The following C4orf51 variants were observed in gnomAD, a reference collection of about 807,000 sequenced individuals.
The protein encoded by C4orf51 is chromosome 4 open reading frame 51, also known as uncharacterized protein C4orf51.
In C4orf51, 25 loss-of-function variants were observed where a neutral mutation model predicts 25.2. The observed-to-expected ratio is 0.99, with a 90% CI of 0.72 to 1.39. C4orf51 has a LOEUF of 1.39. Among genes scored for constraint, C4orf51 ranks in the 40% most tolerant of loss-of-function variants. C4orf51 has a pLI of 0.00. For missense variants in C4orf51, 252 were observed against 239.6 expected (o/e 1.05, Z -0.34); for synonymous variants, 100 against 84.5 (o/e 1.18, Z -1.01).
At position 145,765,521 on chromosome 4, in the gene C4orf51, C is replaced by A; in HGVS notation, n.167-5467C>A. 1 of 1,588,886 alleles carries A rather than the reference C, an allele frequency of 6.3e-7. No individual in the cohort carries two copies. Among genetic ancestry groups the A allele is most frequent in the South Asian group, 1.2e-5 (1 of 86,138 alleles). On this transcript the variant is annotated intron_variant and non_coding_transcript_variant, in intron 1 of 1. Transcript: ENST00000510096. This position sits in a 1 kb window ranked among gnomAD's most constrained non-coding sequence, Gnocchi z 4.7. ...GTCATCCTGGGTGCGGAGGGTTGAG[C>A]AGGCTCACACCCACCTCCTCCTTAC...
chr4:145,787,419 G>A, the C4orf51 span, among the ~76,000 whole-genome samples: 2 of 144,860 alleles, frequency 1.4e-5, no homozygotes, highest in African/African-American at 5.1e-5. Flanking sequence ...CTGAGACCAC[G>A]CCATTGCACT....
At chr4:145,723,282 A>G (rs1199292855) in intron 2 of C4orf51, among the ~76,000 whole-genome samples, 1 of 152,202 alleles carries the variant, frequency 6.6e-6, no homozygotes, top group Non-Finnish European at 1.5e-5. Flanking sequence ...CTTTGTGTAC[A>G]TACAACTTAA....
intron 2 of C4orf51, among the ~76,000 whole-genome samples, chr4:145,703,115 C>T (rs927533099): frequency 6.6e-6 from 1 of 151,722 alleles, no homozygotes; most frequent in Non-Finnish European, 1.5e-5. Flanking sequence ...ACATATATGC[C>T]CAGATGGCCT....
Position 145,680,584 on chromosome 4 carries a change from C to CT in C4orf51, c.233+149dup, listed in dbSNP as rs1728775539. 14 of 630,302 alleles carry CT rather than the reference C, an allele frequency of 2.2e-5. No homozygotes were observed. In the South Asian group the frequency reaches 2.6e-4, roughly 12 times the overall value. The allele number at this position is 630,302 out of a possible 1,614,324, so 39.0% of individuals were successfully genotyped here. ...TTGTAAATGTCAGCAGGAAGAAGAG[C>CT]TAAATGTCAGTGACCAGCTGAAATT... On this transcript the variant is annotated intron_variant, in intron 1 of 5. Coordinates refer to ENST00000438731, the MANE Select transcript of C4orf51 (RefSeq NM_001080531.3).
At chr4:145,764,797 C>G (rs1735028175) in intron 1 of C4orf51, 1 of 694,102 alleles carries the variant, frequency 1.4e-6, no homozygotes, top group East Asian at 2.7e-5. Context: ...CTACTGACAT[C>G]TGTTGACACC....
At chr4:145,733,033 CG>C (rs1732576877), downstream of C4orf51, among the ~76,000 whole-genome samples, 1 of 152,124 alleles carries the variant, frequency 6.6e-6, no homozygotes, top group African/African-American at 2.4e-5. Flanking sequence ...CCGACAGTCG[CG>C]GGGGCGGGGG....
chr4:145,696,509 T>C, intron 1 of C4orf51, 50 bp from the exon 2 acceptor site: 1 of 1,442,110 alleles, frequency 6.9e-7, no homozygotes, highest in South Asian at 1.2e-5. Context: ...CTTCATGTGA[T>C]TTATAAATCC....
chr4:145,729,420 GCCTCCC>G (rs1732310906), intron 4 of C4orf51, among the ~76,000 whole-genome samples, 191 bp downstream of exon 4: 1 of 145,962 alleles, frequency 6.9e-6, no homozygotes, highest in Non-Finnish European at 1.5e-5. Flanking sequence ...TCCTGCCTCA[GCCTCCC>G]GAGTAGCTGG....
intron 1 of C4orf51, among the ~76,000 whole-genome samples, chr4:145,766,948 G>A (rs1027716609): frequency 6.6e-6 from 1 of 152,258 alleles, no homozygotes; most frequent in Admixed American, 6.5e-5. Flanking sequence ...TTTCCAGGTA[G>A]CTATCTGCAT....
intron 2 of C4orf51, among the ~76,000 whole-genome samples, chr4:145,719,885 A>G (rs1303659601): frequency 2.0e-5 from 3 of 152,180 alleles, no homozygotes; most frequent in East Asian, 1.9e-4. Context: ...AGAAGAAAAG[A>G]GGAGAGAGGG....
intron 1 of C4orf51, among the ~76,000 whole-genome samples, chr4:145,766,687 G>A (rs1442343056): frequency 6.6e-6 from 1 of 152,186 alleles, no homozygotes; most frequent in Admixed American, 6.5e-5. Context: ...TCAGAGCACG[G>A]GGGTGAAGAG....
In C4orf51 at chr4:145,740,889, A is replaced by G. The variant is rs141324064; in HGVS notation, n.167+8270A>G. ...ATAAAAAACAGATTATTTCATTTCT[A>G]TCTCATAAAACCCAGTACCTTTCCT... On this transcript the variant is annotated intron_variant and non_coding_transcript_variant, in intron 1 of 1. Transcript: ENST00000508981. 9.8e-5 allele frequency among the ~76,000 whole-genome samples: 15 copies of G among 152,352 alleles called. No individual in the cohort carries two copies. In the East Asian group the frequency reaches 2.7e-3, roughly 27 times the overall value.
chr4:145,719,240 G>A (rs1731585584), intron 2 of C4orf51, among the ~76,000 whole-genome samples: 1 of 151,946 alleles, frequency 6.6e-6, no homozygotes, highest in Non-Finnish European at 1.5e-5. Flanking sequence ...ATAGGGGCAG[G>A]TCTTTGTTTA....
intron 1 of C4orf51, among the ~76,000 whole-genome samples, chr4:145,738,459 CAT>C (rs58754234): frequency 0.67 from 97,642 of 146,542 alleles, 32,642 homozygotes; most frequent in East Asian, 0.89. Context: ...CGAAAAAAAA[CAT>C]ATATATATAT....
intron 1 of C4orf51, among the ~76,000 whole-genome samples, chr4:145,691,429 A>G (rs1729553603): frequency 1.3e-5 from 2 of 152,224 alleles, no homozygotes; most frequent in Admixed American, 1.3e-4. Context: ...TGACCCAGCA[A>G]TCTTATTACT....
At chr4:145,735,282 CA>C (rs747703610), downstream of C4orf51, among the ~76,000 whole-genome samples, 5 of 152,170 alleles carry the variant, frequency 3.3e-5, no homozygotes, top group Non-Finnish European at 7.3e-5. Flanking sequence ...TGCCATTCCT[CA>C]CGCAATCTGG....
At chr4:145,789,324 CATAA>C in the C4orf51 span, among the ~76,000 whole-genome samples, 14 of 152,180 alleles carry the variant, frequency 9.2e-5, no homozygotes, top group South Asian at 2.5e-3. Flanking sequence ...ACTTAAAGTG[CATAA>C]ATAGTTTCAT....
the C4orf51 span, among the ~76,000 whole-genome samples, chr4:145,784,517 T>C: frequency 1.3e-5 from 2 of 152,144 alleles, no homozygotes; most frequent in Non-Finnish European, 2.9e-5. Context: ...CAGCAACAAG[T>C]GTACACCCAG....
chr4:145,732,932 C>T (rs1235860577), downstream of C4orf51: 1 of 159,934 alleles, frequency 6.3e-6, no homozygotes, highest in African/African-American at 2.4e-5. Context: ...GAGAAATGCT[C>T]TTTGTATTCA....
Sources: gnomAD v4.1 joint callset for allele counts (sites outside exome capture counted in the v4.1 genomes callset) on GRCh38, gnomAD v4.1.1 for gene constraint, Gnocchi (gnomAD v3.1) non-coding constraint, MANE v1.5 for transcripts, NCBI Gene and HGNC (gene_info 2026-07-23, HGNC 2026-07-21) for gene names.